The following PHF2 variants were observed in gnomAD, a reference collection of about 807,000 sequenced individuals.
PHF2 encodes the protein PHD finger protein 2.
Under a neutral mutation model 120.5 loss-of-function variants are expected in PHF2, and 27 were observed. The observed-to-expected ratio is 0.22, with a 90% CI of 0.17 to 0.31. The LOEUF is 0.31. Ranked by LOEUF, PHF2 falls within the 10% of genes least tolerant of loss-of-function variation. The probability of loss-of-function intolerance (pLI) is 1.00; values close to 1 mark genes in which losing one functional copy is unlikely to be tolerated. For missense variants in PHF2, 1,024 were observed against 1,434.8 expected (o/e 0.71, Z 4.63); for synonymous variants, 568 against 592.5 (o/e 0.96, Z 0.60).
chr9:93,580,377 A>G (rs746519791), intron 1 of PHF2, among the ~76,000 whole-genome samples: 1 of 152,154 alleles, frequency 6.6e-6, no homozygotes, highest in African/African-American at 2.4e-5. Flanking sequence ...GGCACTGAGG[A>G]GGACCTGTCC....
chr9:93,619,297 G>A (rs921201145), intron 1 of PHF2, among the ~76,000 whole-genome samples: 10 of 151,794 alleles, frequency 6.6e-5, no homozygotes, highest in Admixed American at 1.3e-4. Context: ...CACTGCTCTC[G>A]TTGGAGCCCA....
chr9:93,664,537 A>G (rs1198822048), intron 14 of PHF2, among the ~76,000 whole-genome samples: 1 of 152,156 alleles, frequency 6.6e-6, no homozygotes, highest in Non-Finnish European at 1.5e-5. Context: ...TAGTTTCCTC[A>G]TTGAAGAGAT....
intron 12 of PHF2, among the ~76,000 whole-genome samples, chr9:93,661,803 G>A (rs1456113412): frequency 6.6e-6 from 1 of 151,458 alleles, no homozygotes; most frequent in African/African-American, 2.4e-5. Context: ...TGCATGGGTG[G>A]ATAGATGAAA....
chr9:93,624,935 C>T (rs1825887838), intron 1 of PHF2, among the ~76,000 whole-genome samples: 1 of 152,132 alleles, frequency 6.6e-6, no homozygotes, highest in Admixed American at 6.6e-5. Flanking sequence ...TGTTGTCACT[C>T]TCACAGGGCC....
At chr9:93,650,483 T>A (rs1171264234) in intron 5 of PHF2, among the ~76,000 whole-genome samples, 1 of 152,202 alleles carries the variant, frequency 6.6e-6, no homozygotes, top group Non-Finnish European at 1.5e-5. Flanking sequence ...GTGACCTGCC[T>A]CCCTGCTTTC....
chr9:93,605,961 G>C (rs1825535520), intron 1 of PHF2, among the ~76,000 whole-genome samples: 1 of 151,932 alleles, frequency 6.6e-6, no homozygotes, highest in Admixed American at 6.6e-5. Context: ...TGGTAAGAGT[G>C]TGTTTAGTTT....
intron 5 of PHF2, among the ~76,000 whole-genome samples, chr9:93,651,554 A>G (rs1349148446): frequency 6.6e-6 from 1 of 152,090 alleles, no homozygotes; most frequent in African/African-American, 2.4e-5. Flanking sequence ...GCCTGACACC[A>G]TGGGCTGTCT....
intron 3 of PHF2, among the ~76,000 whole-genome samples, chr9:93,638,864 G>A (rs1248583344): frequency 2.6e-5 from 4 of 152,064 alleles, no homozygotes; most frequent in Non-Finnish European, 5.9e-5. Context: ...GACTACAGGC[G>A]TGCACTACCA....
intron 1 of PHF2, among the ~76,000 whole-genome samples, chr9:93,579,311 C>G (rs1218861452): frequency 6.6e-6 from 1 of 152,154 alleles, no homozygotes. Flanking sequence ...AGTTTGAATA[C>G]TTTTAAACTT....
intron 1 of PHF2, among the ~76,000 whole-genome samples, chr9:93,607,708 A>G (rs1208027480): frequency 6.6e-6 from 1 of 152,118 alleles, no homozygotes; most frequent in Non-Finnish European, 1.5e-5. Context: ...TCTTTGATCT[A>G]CATATTTTGT....
At chr9:93,600,791 T>G (rs895927486) in intron 1 of PHF2, among the ~76,000 whole-genome samples, 2 of 152,152 alleles carry the variant, frequency 1.3e-5, no homozygotes, top group African/African-American at 4.8e-5. Flanking sequence ...TGCTGCGCTA[T>G]GGGGAGGCCA....
At chr9:93,630,772 G>C (rs1043773173) in intron 2 of PHF2, among the ~76,000 whole-genome samples, 6 of 152,172 alleles carry the variant, frequency 3.9e-5, no homozygotes, top group Non-Finnish European at 8.8e-5. Context: ...GCAAGGACTC[G>C]GGAGGGGTGT....
In PHF2 at chr9:93,667,256, C is replaced by A. The variant is rs746755416; in HGVS notation, c.2348+16C>A. On this transcript the variant is annotated intron_variant, in intron 17 of 21. Coordinates refer to ENST00000359246, the MANE Select transcript of PHF2 (RefSeq NM_005392.4). The stretch of plus-strand genomic sequence containing the variant: ...ACCCCAGCAGGTGGGCCCCACCACC[C>A]GGCAGCACCCAAGAGCGGGGACCAG... 2 of 1,603,446 alleles carry A rather than the reference C, an allele frequency of 1.2e-6. No individual in the cohort carries two copies. The highest frequency in any genetic ancestry group is 1.7e-6 in the Non-Finnish European group (2 of 1,175,978).
At chr9:93,590,102 T>C (rs1587664689) in intron 1 of PHF2, among the ~76,000 whole-genome samples, 1 of 152,246 alleles carries the variant, frequency 6.6e-6, no homozygotes, top group African/African-American at 2.4e-5. Context: ...CTGAAGGATA[T>C]AGCATTTCGG....
At position 93,676,907 on chromosome 9, in the gene PHF2, T is replaced by G. The variant is rs752422722; in HGVS notation, c.3146T>G (p.Phe1049Cys). 6.3e-7 allele frequency: 1 copy of G among 1,581,034 alleles called. No homozygotes were observed. Among genetic ancestry groups the G allele is most frequent in the Non-Finnish European group, 8.6e-7 (1 of 1,162,384 alleles). Residue 1049 changes from phenylalanine (F) to cysteine (C), a missense_variant, in exon 21 of 22, where the codon TTT (phenylalanine) becomes TGT (cysteine). Phe to Cys is a radical substitution (Grantham distance 205). Transcript: ENST00000359246. ...RTSQPMAPGV[F>C]LTQRRPSASS... Reference sequence around the variant, plus strand: ...TCCCAGCCCATGGCCCCTGGGGTCTTTCTCACACAGAGGCGGCCCTCCGCA... The same window carrying G: ...TCCCAGCCCATGGCCCCTGGGGTCTGTCTCACACAGAGGCGGCCCTCCGCA...
chr9:93,675,947 A>C (rs79124552), intron 20 of PHF2, among the ~76,000 whole-genome samples, 158 bp downstream of exon 20: 1 of 152,156 alleles, frequency 6.6e-6, no homozygotes, highest in East Asian at 1.9e-4. Flanking sequence ...AGAGTGCCCT[A>C]TTCCTCCAGG....
At chr9:93,668,899 G>C (rs1158314356) in intron 17 of PHF2, among the ~76,000 whole-genome samples, 1 of 152,218 alleles carries the variant, frequency 6.6e-6, no homozygotes, top group Non-Finnish European at 1.5e-5. Flanking sequence ...GTCAGTTTTT[G>C]ATGGTCTATT....
In PHF2 at chr9:93,673,657, C is replaced by CGAG. The variant is rs1564404378; in HGVS notation, c.2423_2424insGGA (p.Ser807_Asp808insGlu). 1.2e-6 allele frequency: 2 copies of CGAG among 1,610,854 alleles called. No homozygotes were observed. Among genetic ancestry groups the CGAG allele is most frequent in the Non-Finnish European group, 1.7e-6 (2 of 1,178,228 alleles). ...TGTCCATGGCCAACCTGCAGGCCTCCGACTCCTGCCTGCAGACCACGTGGG... is the reference window on the plus strand; with the variant it reads ...TGTCCATGGCCAACCTGCAGGCCTCCGAGGACTCCTGCCTGCAGACCACGTGGG... On this transcript the variant is annotated inframe_insertion, in exon 18 of 22. Coordinates refer to ENST00000359246, the MANE Select transcript of PHF2 (RefSeq NM_005392.4).
At chr9:93,588,606 T>C (rs1863106904) in intron 1 of PHF2, among the ~76,000 whole-genome samples, 1 of 152,112 alleles carries the variant, frequency 6.6e-6, no homozygotes, top group East Asian at 1.9e-4. Context: ...AAAAACACTT[T>C]ATGGGCTGGG....
Sources: allele counts gnomAD v4.1 joint callset (sites outside exome capture counted in the v4.1 genomes callset), GRCh38; gene constraint gnomAD v4.1.1; transcripts MANE v1.5; gene names NCBI Gene and HGNC (gene_info 2026-07-23, HGNC 2026-07-21).